Variants in SOCS6 observed in about 807,000 individuals in gnomAD.
The protein encoded by SOCS6 is STAT induced STAT inhibitor-4.
A neutral mutation model predicts 27.7 loss-of-function variants in SOCS6; 5 were observed. The ratio of observed to expected loss-of-function variants is 0.18; its 90% CI spans 0.09 to 0.38. SOCS6 has a LOEUF of 0.38. Ranked by LOEUF, SOCS6 falls within the 10% of genes least tolerant of loss-of-function variation. The pLI, the probability that SOCS6 is intolerant of heterozygous loss-of-function variation, is 1.00. For synonymous variants in SOCS6, 271 were observed against 260.0 expected, an observed-to-expected ratio of 1.04 and a Z score of -0.41; for missense variants, 595 against 688.1, an observed-to-expected ratio of 0.86 and a Z score of 1.51.
intron 1 of SOCS6, among the ~76,000 whole-genome samples, chr18:70,320,293 A>G (rs560166338): frequency 1.4e-4 from 22 of 152,340 alleles, no homozygotes; most frequent in Non-Finnish European, 2.8e-4. Context: ...TGAATGTTAT[A>G]GAGTAAAAAA....
chr18:70,293,881 A>G lies in SOCS6; in HGVS notation c.-127+4791A>G, dbSNP rs61610632. ...GCTGAGGCGGGTGGAGCAGGAGGTC[A>G]GGAGTTCGAGACCAGCCTGGCCAAC... On this transcript the variant is annotated intron_variant, in intron 1 of 1. Coordinates refer to ENST00000397942, the MANE Select transcript of SOCS6 (RefSeq NM_004232.4). Among the ~76,000 whole-genome samples the G allele has an allele frequency of 1.5e-4, 23 of 152,296 alleles. No homozygotes were observed. The East Asian group carries it at 4.2e-3, about 28-fold the overall frequency.
intron 1 of SOCS6, among the ~76,000 whole-genome samples, chr18:70,323,700 G>C (rs1307639210): frequency 6.6e-6 from 1 of 152,176 alleles, no homozygotes. Context: ...AACATCTCTA[G>C]ATAGTTTATT....
intron 1 of SOCS6, among the ~76,000 whole-genome samples, chr18:70,308,712 C>T (rs2062378821): frequency 6.6e-6 from 1 of 152,126 alleles, no homozygotes; most frequent in Non-Finnish European, 1.5e-5. Flanking sequence ...TTTCAGTTCT[C>T]TCAGGCTTTG....
intron 1 of SOCS6, among the ~76,000 whole-genome samples, chr18:70,308,317 A>C (rs1397783458): frequency 6.6e-6 from 1 of 152,178 alleles, no homozygotes; most frequent in Non-Finnish European, 1.5e-5. Context: ...TCCTGGGCTC[A>C]AGTGATCCTC....
Position 70,325,540 on chromosome 18 carries a change from G to A in SOCS6, c.872G>A (p.Gly291Asp), listed in dbSNP as rs764813059. Residue 291 changes from glycine (G) to aspartate (D), a missense_variant, in exon 2 of 2, where the codon GGC (glycine) becomes GAC (aspartate). Physicochemically the swap from Gly to Asp is moderately conservative, Grantham distance 94. Transcript: ENST00000397942. The surrounding 1 kb of genome is among the most constrained non-coding windows in gnomAD (Gnocchi z 6.3). ...CAGTCCGTGAATGGCTTGTTGATTG[G>A]CACCACGGGAGTCATGTTGCAGAGC... The part of the protein sequence containing the change: ...VDQSVNGLLI[G>D]TTGVMLQSPR... The A allele has an allele frequency of 1.9e-6, 3 of 1,614,074 alleles. No homozygotes were observed. The highest frequency in any genetic ancestry group is 2.5e-6 in the Non-Finnish European group (3 of 1,180,018).
At chr18:70,311,577 C>T (rs2062391028) in intron 1 of SOCS6, among the ~76,000 whole-genome samples, 1 of 152,098 alleles carries the variant, frequency 6.6e-6, no homozygotes, top group Non-Finnish European at 1.5e-5. Flanking sequence ...TCGATGGTTA[C>T]AGAAAAGTCT....
chr18:70,289,479 C>T (rs965097664), intron 1 of SOCS6, among the ~76,000 whole-genome samples: 2 of 147,364 alleles, frequency 1.4e-5, no homozygotes, highest in East Asian at 3.9e-4. Context: ...GGGCCGCCGC[C>T]TTTGTTGCCC....
At chr18:70,322,492 A>G (rs772255333) in intron 1 of SOCS6, among the ~76,000 whole-genome samples, 10 of 152,198 alleles carry the variant, frequency 6.6e-5, no homozygotes, top group Non-Finnish European at 1.3e-4. Flanking sequence ...CGTGGTTGCT[A>G]GTCTCTCGTG....
At chr18:70,314,612 CTA>C (rs1250476462) in intron 1 of SOCS6, among the ~76,000 whole-genome samples, 2 of 152,152 alleles carry the variant, frequency 1.3e-5, no homozygotes, top group African/African-American at 4.8e-5. Context: ...TAAATCCACT[CTA>C]TGTTTGCTCA....
At chr18:70,323,480 A>G (rs1440878027) in intron 1 of SOCS6, among the ~76,000 whole-genome samples, 1 of 152,226 alleles carries the variant, frequency 6.6e-6, no homozygotes, top group Non-Finnish European at 1.5e-5. Context: ...TGCCATGGGA[A>G]ATTGCAAAAA....
rs929587488 is a variant in SOCS6, at chr18:70,327,692, A to G, written c.*1416A>G. On this transcript the variant is annotated 3_prime_UTR_variant, in exon 2 of 2. Transcript: ENST00000397942. ...TTCACAGTTCTGCAATGGATGTAGT[A>G]TTTTGGGATTGCCCTGTCCAGAAAA... 3 of 166,982 alleles carry G rather than the reference A, an allele frequency of 1.8e-5. No individual in the cohort carries two copies. Among genetic ancestry groups the G allele is most frequent in the Non-Finnish European group, 1.5e-5 (1 of 68,098 alleles). 10.3% of individuals were successfully genotyped at this position (166,982 alleles called of 1,614,324 possible).
At chr18:70,296,176 A>T (rs1012015007) in intron 1 of SOCS6, among the ~76,000 whole-genome samples, 1 of 152,196 alleles carries the variant, frequency 6.6e-6, no homozygotes, top group African/African-American at 2.4e-5. Flanking sequence ...GTGAAAGGTG[A>T]TGGGGAAGAT....
chr18:70,327,597 G>A lies in SOCS6; in HGVS notation c.*1321G>A, dbSNP rs1911258406. 6.0e-6 allele frequency: 1 copy of A among 166,934 alleles called. No individual in the cohort carries two copies. Among genetic ancestry groups the A allele is most frequent in the African/African-American group, 2.4e-5 (1 of 41,428 alleles). The allele number at this position is 166,934 out of a possible 1,614,324, so 10.3% of individuals were successfully genotyped here. ...GTTGCTAATAATTTTATCTCCTTGA[G>A]TCGGTTGTTGGGGAGAGATGTTATA... On this transcript the variant is annotated 3_prime_UTR_variant, in exon 2 of 2. Transcript: ENST00000397942.
rs1829242750 is a variant in SOCS6, at chr18:70,292,099, C to T, written c.-127+3009C>T. ...CCCATACAAACCTTACATTTTACTT[C>T]GTTGGGGCAGTTGTTTTTAGGTGGC... On this transcript the variant is annotated intron_variant, in intron 1 of 1. Coordinates refer to ENST00000397942, the MANE Select transcript of SOCS6 (RefSeq NM_004232.4). 2.0e-5 allele frequency among the ~76,000 whole-genome samples: 3 copies of T among 152,214 alleles called. No individual in the cohort carries two copies. The South Asian group carries it at 6.2e-4, about 32-fold the overall frequency.
At chr18:70,322,764 T>C (rs965911376) in intron 1 of SOCS6, among the ~76,000 whole-genome samples, 5 of 152,354 alleles carry the variant, frequency 3.3e-5, no homozygotes, top group Non-Finnish European at 5.9e-5. Context: ...AAATTGCTTC[T>C]TCCTTTTGGG....
chr18:70,302,882 C>CA (rs1424985118), intron 1 of SOCS6, among the ~76,000 whole-genome samples: 3 of 151,952 alleles, frequency 2.0e-5, no homozygotes, highest in Non-Finnish European at 2.9e-5. Flanking sequence ...CAAAAAGCTA[C>CA]AAAAAAACCC....
intron 1 of SOCS6, among the ~76,000 whole-genome samples, chr18:70,303,522 G>C (rs748462329): frequency 7.2e-5 from 11 of 152,012 alleles, no homozygotes; most frequent in Non-Finnish European, 1.6e-4. Flanking sequence ...AGCTGGGTGC[G>C]GTGGCTCACA....
At chr18:70,315,141 G>A (rs987981627) in intron 1 of SOCS6, among the ~76,000 whole-genome samples, 1 of 152,086 alleles carries the variant, frequency 6.6e-6, no homozygotes, top group African/African-American at 2.4e-5. Context: ...TCATAAGTGA[G>A]ATCAGTTTGA....
At chr18:70,290,383 G>C (rs1430167693) in intron 1 of SOCS6, among the ~76,000 whole-genome samples, 1 of 152,164 alleles carries the variant, frequency 6.6e-6, no homozygotes, top group Non-Finnish European at 1.5e-5. Context: ...TTGAATGAAC[G>C]AATCTTAATT....
Sources: allele counts gnomAD v4.1 joint callset (sites outside exome capture counted in the v4.1 genomes callset), GRCh38; gene constraint gnomAD v4.1.1; non-coding constraint Gnocchi (gnomAD v3.1); transcripts MANE v1.5; gene names NCBI Gene and HGNC (gene_info 2026-07-23, HGNC 2026-07-21).